TFG: variants seen among roughly 807,000 people sequenced by gnomAD.
The protein encoded by TFG is protein TFG.
Under a neutral mutation model 51.4 loss-of-function variants are expected in TFG, and 22 were observed. The observed-to-expected ratio is 0.43, with a 90% CI of 0.31 to 0.61. TFG has a LOEUF of 0.61. Ranked by LOEUF, TFG falls within the 20% of genes least tolerant of loss-of-function variation. TFG has a pLI of 0.12. For synonymous variants in TFG, 187 were observed against 165.6 expected, an observed-to-expected ratio of 1.13 and a Z score of -0.99; for missense variants, 419 against 487.7, an observed-to-expected ratio of 0.86 and a Z score of 1.33.
chr3:100,738,011 C>T (rs1216744997), intron 6 of TFG, among the ~76,000 whole-genome samples: 1 of 151,976 alleles, frequency 6.6e-6, no homozygotes, highest in Admixed American at 6.6e-5. Context: ...GTCTAGGCTG[C>T]AGTGAGCTGT....
chr3:100,726,889 T>G (rs1423654039), intron 3 of TFG, among the ~76,000 whole-genome samples: 2 of 152,198 alleles, frequency 1.3e-5, no homozygotes, highest in Non-Finnish European at 2.9e-5. Flanking sequence ...TTTGGGTATC[T>G]TATCAAATCT....
chr3:100,731,361 A>G (rs545398034), intron 4 of TFG, among the ~76,000 whole-genome samples: 16 of 152,328 alleles, frequency 1.1e-4, no homozygotes, highest in African/African-American at 3.6e-4. Context: ...ACAAGACAGT[A>G]GTATAAATGC....
intron 3 of TFG, among the ~76,000 whole-genome samples, chr3:100,725,653 G>T (rs892070282): frequency 4.0e-5 from 4 of 99,560 alleles, no homozygotes; most frequent in East Asian, 2.8e-4. Flanking sequence ...AAATTAGCTG[G>T]GTGTAGTGGT....
At chr3:100,741,940 T>C (rs2095122320) in intron 6 of TFG, among the ~76,000 whole-genome samples, 1 of 152,172 alleles carries the variant, frequency 6.6e-6, no homozygotes, top group Non-Finnish European at 1.5e-5. Flanking sequence ...TTTGTGTAAG[T>C]ATACTATATG....
At chr3:100,731,254 C>T (rs187270210) in intron 4 of TFG, among the ~76,000 whole-genome samples, 39 of 152,078 alleles carry the variant, frequency 2.6e-4, no homozygotes, top group East Asian at 1.9e-3. Flanking sequence ...TTTACTTGTT[C>T]GTGTTTTTTG....
chr3:100,728,070 G>A (rs2095080833), intron 3 of TFG, among the ~76,000 whole-genome samples: 1 of 152,136 alleles, frequency 6.6e-6, no homozygotes, highest in African/African-American at 2.4e-5. Context: ...CTGGGCTCAA[G>A]CAGTTCTCCC....
chr3:100,733,047 C>T (rs996628155), intron 5 of TFG, among the ~76,000 whole-genome samples: 1 of 152,260 alleles, frequency 6.6e-6, no homozygotes, highest in South Asian at 2.1e-4. Flanking sequence ...TGTCTTATCT[C>T]CTCATCTTAG....
At position 100,748,316 on chromosome 3, in the gene TFG, A is replaced by G. The variant is rs145835282; in HGVS notation, c.988A>G (p.Thr330Ala). ...QASNYPAQTY[T>A]AQTSQPTNYT... ...GAGCAATTATCCTGCACAAACTTAC[A>G]CTGCCCAAACTTCTCAGCCTACTAA... Residue 330 changes from threonine to alanine, a missense_variant, in exon 8 of 8, where the codon ACT (threonine) becomes GCT (alanine). Physicochemically the swap from Thr to Ala is moderately conservative, Grantham distance 58. Coordinates refer to ENST00000240851, the MANE Select transcript of TFG (RefSeq NM_006070.6). 2.7e-4 allele frequency: 432 copies of G among 1,613,888 alleles called. 1 individual carries two copies. The highest frequency in any genetic ancestry group is 3.6e-4 in the South Asian group (33 of 91,054).
At chr3:100,732,080 C>T (rs1181163038) in intron 4 of TFG, among the ~76,000 whole-genome samples, 1 of 151,996 alleles carries the variant, frequency 6.6e-6, no homozygotes, top group African/African-American at 2.4e-5. Flanking sequence ...GAGATTATAA[C>T]CTTAGTTCAG....
At chr3:100,723,937 A>T (rs1361037371) in intron 3 of TFG, among the ~76,000 whole-genome samples, 1 of 152,142 alleles carries the variant, frequency 6.6e-6, no homozygotes, top group Non-Finnish European at 1.5e-5. Flanking sequence ...CTTAAAGGTC[A>T]TATTCTCTGG....
chr3:100,718,539 G>C (rs990070539), intron 2 of TFG, among the ~76,000 whole-genome samples: 12 of 107,744 alleles, frequency 1.1e-4, no homozygotes, highest in Admixed American at 2.8e-4. Context: ...TTACAACTTT[G>C]TATTTCATGG....
intron 7 of TFG, 121 bp from the exon 8 acceptor site, chr3:100,748,028 T>C: frequency 2.3e-6 from 2 of 872,394 alleles, no homozygotes; most frequent in South Asian, 3.5e-5. Flanking sequence ...CCACTCTGCT[T>C]GTTACATACA....
At chr3:100,726,986 A>AGT (rs1425551244) in intron 3 of TFG, among the ~76,000 whole-genome samples, 1 of 152,208 alleles carries the variant, frequency 6.6e-6, no homozygotes, top group Non-Finnish European at 1.5e-5. Context: ...CAGTTGGTAA[A>AGT]GTAGTAGCAG....
intron 5 of TFG, among the ~76,000 whole-genome samples, chr3:100,736,074 A>G (rs2095105413): frequency 6.6e-6 from 1 of 152,146 alleles, no homozygotes; most frequent in African/African-American, 2.4e-5. Flanking sequence ...TGGGAGAGAA[A>G]TAGAGGTCAA....
In TFG at chr3:100,748,743, T is replaced by G; in HGVS notation, c.*212T>G. The G allele has an allele frequency of 1.8e-6, 1 of 552,824 alleles. No homozygotes were observed. Among genetic ancestry groups the G allele is most frequent in the Non-Finnish European group, 3.1e-6 (1 of 321,166 alleles). 34.2% of individuals were successfully genotyped at this position (552,824 alleles called of 1,614,324 possible). On this transcript the variant is annotated 3_prime_UTR_variant, in exon 8 of 8. Coordinates refer to ENST00000240851, the MANE Select transcript of TFG (RefSeq NM_006070.6). Reference sequence around the variant, plus strand: ...CTCCCTGCTTAAAAATGTAGCAGCTTCTTAGTTACTTTGGAACACTACTCT... The same window carrying G: ...CTCCCTGCTTAAAAATGTAGCAGCTGCTTAGTTACTTTGGAACACTACTCT...
intron 3 of TFG, among the ~76,000 whole-genome samples, chr3:100,722,707 AAGAC>A (rs1366725187): frequency 2.6e-5 from 4 of 152,252 alleles, no homozygotes; most frequent in African/African-American, 9.6e-5. Context: ...TAGAGGCTAA[AAGAC>A]AGTATTATCA....
intron 1 of TFG, among the ~76,000 whole-genome samples, 164 bp from the exon 2 acceptor site, chr3:100,713,479 C>T (rs1369832006): frequency 6.6e-6 from 1 of 151,838 alleles, no homozygotes; most frequent in African/African-American, 2.4e-5. Flanking sequence ...TTTTATTATC[C>T]CTACAGTAAA....
At chr3:100,717,110 C>G (rs138036078) in intron 2 of TFG, among the ~76,000 whole-genome samples, 3 of 152,078 alleles carry the variant, frequency 2.0e-5, no homozygotes, top group Non-Finnish European at 4.4e-5. Flanking sequence ...AATCTTTTCC[C>G]GACCTATTAA....
intron 7 of TFG, among the ~76,000 whole-genome samples, chr3:100,745,244 T>G (rs2095131893): frequency 6.6e-6 from 1 of 152,126 alleles, no homozygotes; most frequent in Non-Finnish European, 1.5e-5. Flanking sequence ...AGTGCAAGTT[T>G]TCCCCCTTCC....
Sources: allele counts gnomAD v4.1 joint callset (sites outside exome capture counted in the v4.1 genomes callset), GRCh38; gene constraint gnomAD v4.1.1; transcripts MANE v1.5; gene names NCBI Gene and HGNC (gene_info 2026-07-23, HGNC 2026-07-21).